CYP39A1: variants seen among roughly 807,000 people sequenced by gnomAD.
CYP39A1 encodes cytochrome P450 family 39 subfamily A member 1.
In CYP39A1, 49 loss-of-function variants were observed where a neutral mutation model predicts 58.1. The observed-to-expected ratio is 0.84, with a 90% CI of 0.67 to 1.07. The LOEUF (loss-of-function observed/expected upper bound fraction) is 1.07, where lower values mean the gene tolerates loss of function less well. Among genes scored for constraint, CYP39A1 ranks in the 50% least tolerant of loss-of-function variants. The pLI is 0.00. For missense variants in CYP39A1, 531 were observed against 539.4 expected (o/e 0.98, Z 0.16); for synonymous variants, 209 against 187.6 (o/e 1.11, Z -0.93).
At chr6:46,560,642 C>G (rs1770925255) in intron 10 of CYP39A1, among the ~76,000 whole-genome samples, 1 of 151,984 alleles carries the variant, frequency 6.6e-6, no homozygotes, top group African/African-American at 2.4e-5. Flanking sequence ...AAGTAATGAG[C>G]CCCATGATTA....
intron 10 of CYP39A1, chr6:46,583,315 G>C: frequency 4.1e-6 from 4 of 985,368 alleles, no homozygotes; most frequent in Non-Finnish European, 3.6e-6. Flanking sequence ...TCCTCTTGCA[G>C]GAATTAGAAC....
rs535679627 is a variant in CYP39A1, at chr6:46,611,044, T to TA, written c.931+14373dup. Among the ~76,000 whole-genome samples the TA allele has an allele frequency of 2.4e-3, 358 of 152,288 alleles. 4 individuals carry two copies. Among genetic ancestry groups the TA allele is most frequent in the African/African-American group, 8.2e-3 (342 of 41,570 alleles). Reference sequence around the variant, plus strand: ...AGAGATTGTCCATGGACTCTGGGAATATGAGCACTGGGGCCTCAGGGATTG... The same window carrying TA: ...AGAGATTGTCCATGGACTCTGGGAATAATGAGCACTGGGGCCTCAGGGATTG... On this transcript the variant is annotated intron_variant, in intron 7 of 11. Coordinates refer to ENST00000275016, the MANE Select transcript of CYP39A1 (RefSeq NM_016593.5).
At chr6:46,610,167 T>G (rs560387124) in intron 7 of CYP39A1, among the ~76,000 whole-genome samples, 78 of 152,344 alleles carry the variant, frequency 5.1e-4, no homozygotes, top group African/African-American at 1.7e-3. Context: ...GTTTTAGTTT[T>G]GAAAGAGAAG....
At chr6:46,566,885 T>C (rs999214543) in intron 10 of CYP39A1, among the ~76,000 whole-genome samples, 19 of 151,944 alleles carry the variant, frequency 1.3e-4, no homozygotes, top group Non-Finnish European at 2.5e-4. Context: ...TATATACATG[T>C]ACCCATATAT....
Position 46,652,525 on chromosome 6 carries a change from G to A in CYP39A1, c.58C>T (p.Leu20Phe). ...IILGCLALFLLLQRKNLRRPP... is the reference protein window; with the variant it reads ...IILGCLALFLFLQRKNLRRPP... ...CTACGCAAATTCTTCCGCTGAAGGAGTAAGAACAGAGCAAGGCAACCCAGG... is the reference window on the plus strand; with the variant it reads ...CTACGCAAATTCTTCCGCTGAAGGAATAAGAACAGAGCAAGGCAACCCAGG... Residue 20 changes from leucine to phenylalanine, a missense_variant, in exon 1 of 12, where the codon CTC becomes TTC. Leu to Phe is a conservative substitution (Grantham distance 22, BLOSUM62 0). Transcript: ENST00000275016. 6.2e-7 allele frequency: 1 copy of A among 1,613,830 alleles called. No homozygotes were observed. The highest frequency in any genetic ancestry group is 1.1e-5 in the South Asian group (1 of 90,974).
intron 7 of CYP39A1, among the ~76,000 whole-genome samples, chr6:46,621,188 A>T (rs1418676856): frequency 6.6e-6 from 1 of 151,060 alleles, no homozygotes; most frequent in African/African-American, 2.4e-5. Flanking sequence ...GAAAAAAAGG[A>T]ATCAACAGAA....
At chr6:46,570,035 T>TA (rs1160827698) in intron 10 of CYP39A1, among the ~76,000 whole-genome samples, 1 of 152,118 alleles carries the variant, frequency 6.6e-6, no homozygotes, top group African/African-American at 2.4e-5. Flanking sequence ...TCAATCTCCT[T>TA]ACTTGTTGGT....
chr6:46,591,476 C>T (rs1425144912), intron 8 of CYP39A1, among the ~76,000 whole-genome samples: 1 of 151,898 alleles, frequency 6.6e-6, no homozygotes, highest in African/African-American at 2.4e-5. Context: ...ATCAGGCAGT[C>T]CTCTTCTTTT....
At chr6:46,593,272 G>A (rs1349020914) in intron 8 of CYP39A1, among the ~76,000 whole-genome samples, 2 of 152,090 alleles carry the variant, frequency 1.3e-5, no homozygotes, top group African/African-American at 4.8e-5. Context: ...TTGAGCATGG[G>A]TATCTCTTCT....
intron 10 of CYP39A1, among the ~76,000 whole-genome samples, chr6:46,564,105 T>C (rs151312192): frequency 9.2e-6 from 1 of 108,396 alleles, no homozygotes; most frequent in Non-Finnish European, 1.6e-5. Context: ...TTTTGTATTT[T>C]TTTTATTTTA....
chr6:46,550,318 A>T lies in CYP39A1; in HGVS notation c.*48T>A. On this transcript the variant is annotated 3_prime_UTR_variant, in exon 12 of 12. Coordinates refer to ENST00000275016, the MANE Select transcript of CYP39A1 (RefSeq NM_016593.5). ...AGGTCTAGGTGCTGCCAGGTGGGGT[A>T]GTGCCACTCCTCCAGAAGGCCCTGG... The T allele has an allele frequency of 6.6e-7, 1 of 1,513,076 alleles. No homozygotes were observed. Among genetic ancestry groups the T allele is most frequent in the Non-Finnish European group, 9.1e-7 (1 of 1,095,302 alleles). 93.7% of individuals were successfully genotyped at this position (1,513,076 alleles called of 1,614,324 possible).
At chr6:46,644,777 C>T (rs1332762909) in intron 1 of CYP39A1, among the ~76,000 whole-genome samples, 1 of 152,058 alleles carries the variant, frequency 6.6e-6, no homozygotes, top group East Asian at 1.9e-4. Context: ...ATAAGTAATC[C>T]AGTTTCTCTG....
chr6:46,623,869 T>TA (rs1170974637), intron 7 of CYP39A1, among the ~76,000 whole-genome samples: 4 of 151,440 alleles, frequency 2.6e-5, no homozygotes, highest in South Asian at 2.1e-4. Flanking sequence ...TAAGTATGGT[T>TA]AAAAAAAAAG....
intron 1 of CYP39A1, among the ~76,000 whole-genome samples, chr6:46,651,951 C>A (rs1397366155): frequency 6.6e-6 from 1 of 152,172 alleles, no homozygotes; most frequent in Non-Finnish European, 1.5e-5. Context: ...CAAATAACAA[C>A]GTCAGCTAAA....
chr6:46,649,611 G>A lies in CYP39A1; in HGVS notation c.177+2795C>T, dbSNP rs913491434. Among the ~76,000 whole-genome samples the A allele has an allele frequency of 3.9e-5, 6 of 152,170 alleles. No individual in the cohort carries two copies. The East Asian group carries it at 1.2e-3, about 29-fold the overall frequency. Reference sequence around the variant, plus strand: ...GACATAGGAACAGTGTGAATAATATGACACATTTTGCTTATAAGGCGGAAA... The same window carrying A: ...GACATAGGAACAGTGTGAATAATATAACACATTTTGCTTATAAGGCGGAAA... On this transcript the variant is annotated intron_variant, in intron 1 of 11. Coordinates refer to ENST00000275016, the MANE Select transcript of CYP39A1 (RefSeq NM_016593.5).
chr6:46,564,088 T>C (rs1771125532), intron 10 of CYP39A1, among the ~76,000 whole-genome samples: 1 of 105,916 alleles, frequency 9.4e-6, no homozygotes, highest in South Asian at 3.2e-4. Context: ...ACCTAGTTTG[T>C]TTTTTATTTT....
At chr6:46,564,728 C>A (rs1037264386) in intron 10 of CYP39A1, among the ~76,000 whole-genome samples, 1 of 151,906 alleles carries the variant, frequency 6.6e-6, no homozygotes, top group Non-Finnish European at 1.5e-5. Flanking sequence ...TTTTTTCCTC[C>A]TAGAAGTCAT....
intron 10 of CYP39A1, among the ~76,000 whole-genome samples, chr6:46,572,172 AT>A (rs1561957355): frequency 8.0e-6 from 1 of 125,220 alleles, no homozygotes; most frequent in Non-Finnish European, 1.6e-5. Context: ...TGTGTTTAAT[AT>A]TTTTTTCGGG....
At chr6:46,626,802 A>G (rs940833524) in intron 6 of CYP39A1, among the ~76,000 whole-genome samples, 2 of 152,194 alleles carry the variant, frequency 1.3e-5, no homozygotes, top group African/African-American at 4.8e-5. Flanking sequence ...AACTACAGAT[A>G]AAAGTGCTAA....
Sources: allele counts gnomAD v4.1 joint callset (sites outside exome capture counted in the v4.1 genomes callset), GRCh38; gene constraint gnomAD v4.1.1; transcripts MANE v1.5; gene names NCBI Gene and HGNC (gene_info 2026-07-23, HGNC 2026-07-21).